Variants in ATP11C observed in about 807,000 individuals in gnomAD.
ATP11C encodes the protein ATPase phospholipid transporting 11C (ATP11C blood group), also known as phospholipid-transporting ATPase IG.
A neutral mutation model predicts 97.4 loss-of-function variants in ATP11C; 36 were observed. The ratio of observed to expected loss-of-function variants is 0.37; its 90% CI spans 0.28 to 0.49. ATP11C has a LOEUF of 0.49. ATP11C is among the 20% of genes least tolerant of loss of function. The pLI, the probability that ATP11C is intolerant of heterozygous loss-of-function variation, is 0.98. For missense variants in ATP11C, 730 were observed against 824.6 expected, an observed-to-expected ratio of 0.89 and a Z score of 1.40; for synonymous variants, 275 against 290.9, an observed-to-expected ratio of 0.95 and a Z score of 0.56.
chrX:139,900,242 G>A (rs779269949), intron 1 of ATP11C, among the ~76,000 whole-genome samples: 2 of 109,716 alleles, frequency 1.8e-5, no homozygotes, highest in East Asian at 5.7e-4. Flanking sequence ...GGTGGCATGC[G>A]CCTGTAGTCC....
chrX:139,805,494 C>T (rs551825569), intron 5 of ATP11C, among the ~76,000 whole-genome samples: 1 of 112,297 alleles, frequency 8.9e-6, no homozygotes, highest in Middle Eastern at 4.7e-3. Flanking sequence ...ATAATTATTA[C>T]TAACATCCTG....
intron 1 of ATP11C, among the ~76,000 whole-genome samples, chrX:139,890,909 C>T (rs1368411794): frequency 9.0e-6 from 1 of 111,046 alleles, no homozygotes; most frequent in African/African-American, 3.3e-5. Context: ...AAAATGGCAA[C>T]CACTCCAGGC....
intron 1 of ATP11C, among the ~76,000 whole-genome samples, chrX:139,848,302 T>C (rs1490564817): frequency 9.0e-6 from 1 of 111,158 alleles, no homozygotes; most frequent in Non-Finnish European, 1.9e-5. Context: ...GAAACCTAGA[T>C]TGCTGAGTCC....
chrX:139,766,767 G>A (rs750432693), intron 20 of ATP11C, among the ~76,000 whole-genome samples: 5 of 111,912 alleles, frequency 4.5e-5, no homozygotes, highest in Non-Finnish European at 7.5e-5. Flanking sequence ...AGTAGGTAAT[G>A]GAGACTCTAA....
intron 1 of ATP11C, among the ~76,000 whole-genome samples, chrX:139,845,760 C>G (rs1299896439): frequency 1.8e-5 from 2 of 112,292 alleles, no homozygotes; most frequent in East Asian, 2.8e-4. Context: ...GGCAAAAGAA[C>G]TCTCGCTAAT....
At chrX:139,835,532 AT>A (rs1375345473) in intron 1 of ATP11C, among the ~76,000 whole-genome samples, 1 of 109,468 alleles carries the variant, frequency 9.1e-6, no homozygotes, top group African/African-American at 3.3e-5. Flanking sequence ...AGCCTCCTGA[AT>A]AGCTGGGATT....
chrX:139,768,187 TA>T lies in ATP11C; in HGVS notation c.2391+72del, dbSNP rs906466075. Reference sequence around the variant, plus strand: ...GCCCTTTGAAGAAGAAATAATTTTTTAAAAAAATAAACATTTGCACATATAT... The same window carrying T: ...GCCCTTTGAAGAAGAAATAATTTTTTAAAAAATAAACATTTGCACATATAT... On this transcript the variant is annotated intron_variant, in intron 20 of 29. Coordinates refer to ENST00000682941, the MANE Select transcript of ATP11C (RefSeq NM_001353812.2). The T allele has an allele frequency of 3.7e-6, 3 of 813,253 alleles. No individual in the cohort carries two copies. The African/African-American group carries it at 6.4e-5, about 17-fold the overall frequency. 67.0% of individuals were successfully genotyped at this position (813,253 alleles called of 1,213,427 possible). A position where few individuals can be genotyped will look rare whatever the true frequency, so the allele number is the denominator to read the frequency against.
chrX:139,908,035 A>G (rs2085011243), intron 1 of ATP11C, among the ~76,000 whole-genome samples: 1 of 111,219 alleles, frequency 9.0e-6, no homozygotes, highest in East Asian at 2.8e-4. Flanking sequence ...AGACAACTTT[A>G]TTATCATCGC....
At chrX:139,837,706 T>C (rs927248711) in intron 1 of ATP11C, among the ~76,000 whole-genome samples, 2 of 112,177 alleles carry the variant, frequency 1.8e-5, no homozygotes, top group African/African-American at 6.5e-5. Flanking sequence ...TTTGCATTGG[T>C]AGCATTATTA....
Position 139,876,721 on chromosome X carries a change from G to A in ATP11C, c.28-49898C>T, listed in dbSNP as rs1397722294. Reference sequence around the variant, plus strand: ...AAAGGATTTGAGAGGACTCCAGGAGGTAACGATGTAGAAAGTGTTTTAAAC... The same window carrying A: ...AAAGGATTTGAGAGGACTCCAGGAGATAACGATGTAGAAAGTGTTTTAAAC... On this transcript the variant is annotated intron_variant, in intron 1 of 29. Coordinates refer to ENST00000682941, the MANE Select transcript of ATP11C (RefSeq NM_001353812.2). Among the ~76,000 whole-genome samples the A allele has an allele frequency of 1.8e-5, 2 of 112,205 alleles. 1 individual carries two copies. The highest frequency in any genetic ancestry group is 1.9e-4 in the Admixed American group (2 of 10,573).
chrX:139,819,477 A>G, intron 2 of ATP11C, 50 bp from the exon 3 acceptor site: 1 of 571,210 alleles, frequency 1.8e-6, no homozygotes, highest in Non-Finnish European at 2.7e-6. Context: ...AACTTGAAAA[A>G]TCTTAATAGT....
intron 18 of ATP11C, among the ~76,000 whole-genome samples, chrX:139,778,154 C>T (rs1283308386): frequency 1.8e-5 from 2 of 111,561 alleles, no homozygotes; most frequent in East Asian, 5.6e-4. Context: ...CCATACCTGG[C>T]CTTTAGACTT....
rs1165464661 is a variant in ATP11C, at chrX:139,738,068, G to A, written c.3136C>T (p.Pro1046Ser). The A allele has an allele frequency of 1.7e-6, 2 of 1,183,050 alleles. No homozygotes were observed. Among genetic ancestry groups the A allele is most frequent in the Non-Finnish European group, 1.1e-6 (1 of 881,544 alleles). Residue 1046 changes from proline to serine, a missense_variant and splice_region_variant, in exon 28 of 30, where the codon CCT becomes TCT. Transcript: ENST00000682941. ...TACATTCTCTGTTGCTTGAGAAAAG[G>A]CCTGCAGTGGAAAGAAAATACATGA... ...FSFFWGGIIW[P>S]FLKQQRMYFV...
intron 22 of ATP11C, among the ~76,000 whole-genome samples, chrX:139,759,803 A>G (rs1281535603): frequency 8.9e-6 from 1 of 112,340 alleles, no homozygotes; most frequent in Non-Finnish European, 1.9e-5. Context: ...TATCATCTAC[A>G]TAAATAACCA....
intron 1 of ATP11C, among the ~76,000 whole-genome samples, chrX:139,886,037 A>G (rs1477445169): frequency 9.0e-6 from 1 of 111,393 alleles, no homozygotes; most frequent in Non-Finnish European, 1.9e-5. Context: ...AGCTAATGCA[A>G]TAAGGTACAG....
intron 1 of ATP11C, among the ~76,000 whole-genome samples, chrX:139,858,985 GTACTT>G (rs1397167530): frequency 8.9e-6 from 1 of 112,520 alleles, no homozygotes; most frequent in Admixed American, 9.4e-5. Context: ...ACTGGTATTA[GTACTT>G]TACTTTGATT....
chrX:139,814,770 T>C (rs980369145), intron 5 of ATP11C, 108 bp downstream of exon 5: 10 of 436,336 alleles, frequency 2.3e-5, no homozygotes, highest in Non-Finnish European at 2.6e-5. Context: ...TGGAACTAGA[T>C]AGAGTTAACG....
chrX:139,805,616 A>T (rs2083025178), intron 5 of ATP11C, among the ~76,000 whole-genome samples: 1 of 112,076 alleles, frequency 8.9e-6, no homozygotes, highest in Non-Finnish European at 1.9e-5. Flanking sequence ...CATATTGAAA[A>T]TTATAAATAA....
At chrX:139,927,420 G>C (rs756239847) in intron 1 of ATP11C, among the ~76,000 whole-genome samples, 23 of 111,146 alleles carry the variant, frequency 2.1e-4, no homozygotes, top group South Asian at 1.5e-3. Flanking sequence ...TGGCCAACAT[G>C]GTGAAACCCC....
Sources: allele counts gnomAD v4.1 joint callset (sites outside exome capture counted in the v4.1 genomes callset), GRCh38; gene constraint gnomAD v4.1.1; transcripts MANE v1.5; gene names NCBI Gene and HGNC (gene_info 2026-07-23, HGNC 2026-07-21).